Variants in TGFA observed in about 807,000 individuals in gnomAD.
The protein encoded by TGFA is protransforming growth factor alpha.
TGFA carries 12 observed loss-of-function variants against 21.7 expected under a neutral mutation model. The ratio of observed to expected loss-of-function variants is 0.55; its 90% CI spans 0.35 to 0.90. The LOEUF (loss-of-function observed/expected upper bound fraction) is 0.90. Ranked by LOEUF, TGFA falls within the 40% of genes least tolerant of loss-of-function variation. The pLI, the probability that TGFA is intolerant of heterozygous loss-of-function variation, is 0.01. For missense variants in TGFA, 178 were observed against 210.8 expected, an observed-to-expected ratio of 0.84 and a Z score of 0.96; for synonymous variants, 79 against 88.1, an observed-to-expected ratio of 0.90 and a Z score of 0.58.
At chr2:70,535,317 T>A (rs1672941027) in intron 1 of TGFA, among the ~76,000 whole-genome samples, 2 of 152,172 alleles carry the variant, frequency 1.3e-5, no homozygotes, top group South Asian at 4.1e-4. Flanking sequence ...AAGGGCTAGG[T>A]CATGGTTCTC....
In TGFA at chr2:70,472,302, A is replaced by G. The variant is rs565926540; in HGVS notation, c.95-6566T>C. On this transcript the variant is annotated intron_variant, in intron 2 of 5. Transcript: ENST00000295400. Reference sequence around the variant, plus strand: ...CTTGGGGCTGACGATAGGAAAAGCAAATGTTCCAGGTTTTGGAACAGACCT... The same window carrying G: ...CTTGGGGCTGACGATAGGAAAAGCAGATGTTCCAGGTTTTGGAACAGACCT... 3.3e-5 allele frequency among the ~76,000 whole-genome samples: 5 copies of G among 152,278 alleles called. No individual in the cohort carries two copies. In the South Asian group the frequency reaches 6.2e-4, roughly 19 times the overall value.
intron 2 of TGFA, among the ~76,000 whole-genome samples, chr2:70,466,952 A>T (rs1450692557): frequency 1.3e-5 from 2 of 152,162 alleles, no homozygotes; most frequent in African/African-American, 4.8e-5. Context: ...CAAACACTGC[A>T]TGTTCTCACT....
At chr2:70,553,532 G>C in intron 1 of TGFA, 196 bp downstream of exon 1, 1 of 1,374,754 alleles carries the variant, frequency 7.3e-7, no homozygotes, top group South Asian at 1.9e-5. Context: ...GGGAAGCCTC[G>C]GCGCTCGACC....
intron 1 of TGFA, among the ~76,000 whole-genome samples, chr2:70,521,861 C>T (rs914892569): frequency 6.6e-6 from 1 of 152,008 alleles, no homozygotes; most frequent in African/African-American, 2.4e-5. Flanking sequence ...GATTCACCTG[C>T]CTTGGCCTCC....
chr2:70,502,725 T>C (rs1331551000), intron 2 of TGFA, among the ~76,000 whole-genome samples: 2 of 152,248 alleles, frequency 1.3e-5, no homozygotes, highest in Non-Finnish European at 2.9e-5. Context: ...CTGCCATCAA[T>C]TGGCTCAGGC....
intron 5 of TGFA, among the ~76,000 whole-genome samples, chr2:70,452,823 A>G (rs1364781507): frequency 6.6e-6 from 1 of 152,106 alleles, no homozygotes; most frequent in Non-Finnish European, 1.5e-5. Context: ...GCAGCCTGTA[A>G]TCCCAGCTAC....
intron 2 of TGFA, among the ~76,000 whole-genome samples, chr2:70,473,510 C>G (rs550331475): frequency 6.6e-6 from 1 of 151,674 alleles, no homozygotes; most frequent in Non-Finnish European, 1.5e-5. Flanking sequence ...GGAAACTGAT[C>G]GACAGGGGCA....
intron 1 of TGFA, among the ~76,000 whole-genome samples, chr2:70,550,278 ATTT>A (rs577781426): frequency 6.6e-6 from 1 of 151,092 alleles, no homozygotes; most frequent in African/African-American, 2.4e-5. Context: ...TGCAGTCCTT[ATTT>A]TTTTTTATAA....
rs536745496 is a variant in TGFA at position 70,526,032 on chromosome 2, T to A, written c.41-11120A>T. On this transcript the variant is annotated intron_variant, in intron 1 of 5. Coordinates refer to ENST00000295400, the MANE Select transcript of TGFA (RefSeq NM_003236.4). ...GTTTCCAACTGTATATGGGCAGATG[T>A]ACCCAAAACTCAGGGGAAATGCAAC... Among the ~76,000 whole-genome samples, 6 of 152,282 alleles carry A rather than the reference T, an allele frequency of 3.9e-5. No individual in the cohort carries two copies. In the South Asian group the frequency reaches 1.2e-3, roughly 32 times the overall value.
chr2:70,506,351 A>G (rs570029088), intron 2 of TGFA, among the ~76,000 whole-genome samples: 6 of 152,344 alleles, frequency 3.9e-5, no homozygotes, highest in East Asian at 1.9e-4. Context: ...ATCTCAGCCT[A>G]CAAGGGCAGT....
intron 2 of TGFA, among the ~76,000 whole-genome samples, chr2:70,504,248 A>G (rs1431599114): frequency 6.0e-5 from 9 of 151,114 alleles, no homozygotes; most frequent in Non-Finnish European, 1.0e-4. Context: ...CTCACCTCTA[A>G]AAAAACACAA....
At chr2:70,506,324 C>T (rs1394067799) in intron 2 of TGFA, among the ~76,000 whole-genome samples, 1 of 152,216 alleles carries the variant, frequency 6.6e-6, no homozygotes, top group Non-Finnish European at 1.5e-5. Context: ...GAAGTGCTGT[C>T]ACCTTCTGGT....
intron 3 of TGFA, among the ~76,000 whole-genome samples, chr2:70,459,700 C>T (rs1670351118): frequency 6.6e-6 from 1 of 152,192 alleles, no homozygotes; most frequent in Non-Finnish European, 1.5e-5. Context: ...GAACATTTGC[C>T]ATTCATGCAT....
chr2:70,523,696 A>G (rs782411219), intron 1 of TGFA, among the ~76,000 whole-genome samples: 5 of 152,164 alleles, frequency 3.3e-5, no homozygotes, highest in Non-Finnish European at 7.3e-5. Context: ...CACATGGACT[A>G]GTATCTCCTG....
chr2:70,486,314 C>T (rs927550362), intron 2 of TGFA, among the ~76,000 whole-genome samples: 23 of 152,160 alleles, frequency 1.5e-4, no homozygotes, highest in African/African-American at 5.1e-4. Flanking sequence ...TCCTTCCATC[C>T]GTGTCTGAGT....
intron 2 of TGFA, among the ~76,000 whole-genome samples, chr2:70,510,459 A>T (rs1029698004): frequency 3.3e-5 from 5 of 152,166 alleles, no homozygotes; most frequent in Non-Finnish European, 5.9e-5. Context: ...TGGTCATGTG[A>T]AAAACCTCAC....
intron 4 of TGFA, among the ~76,000 whole-genome samples, chr2:70,454,845 G>A (rs182725697): frequency 1.3e-5 from 2 of 152,320 alleles, no homozygotes; most frequent in African/African-American, 4.8e-5. Context: ...GATCATTCCT[G>A]TTTCCAGACA....
chr2:70,456,176 G>A (rs1670221841), intron 4 of TGFA, among the ~76,000 whole-genome samples, 163 bp downstream of exon 4: 3 of 152,228 alleles, frequency 2.0e-5, no homozygotes, highest in African/African-American at 2.4e-5. Flanking sequence ...TGGCTGCCAC[G>A]CCATGCCAAC....
chr2:70,480,438 C>T (rs1553495248), intron 2 of TGFA, among the ~76,000 whole-genome samples: 1 of 152,112 alleles, frequency 6.6e-6, no homozygotes, highest in Non-Finnish European at 1.5e-5. Flanking sequence ...TTCAGAGCTT[C>T]TAGTACTGAT....
Sources: allele counts gnomAD v4.1 joint callset (sites outside exome capture counted in the v4.1 genomes callset), GRCh38; gene constraint gnomAD v4.1.1; transcripts MANE v1.5; gene names NCBI Gene and HGNC (gene_info 2026-07-23, HGNC 2026-07-21).